RHOU: variants seen among roughly 807,000 people sequenced by gnomAD.
RHOU encodes rho-related GTP-binding protein RhoU.
RHOU carries 8 observed loss-of-function variants against 12.6 expected under a neutral mutation model. That is an observed-to-expected ratio of 0.64 (90% CI 0.37 to 1.15). RHOU has a LOEUF of 1.15. Ranked by LOEUF, RHOU falls within the 50% of genes most tolerant of loss-of-function variation. The pLI, the probability that RHOU is intolerant of heterozygous loss-of-function variation, is 0.01. For missense variants in RHOU, 258 were observed against 347.0 expected (o/e 0.74, Z 2.04); for synonymous variants, 161 against 147.4 (o/e 1.09, Z -0.67).
At chr1:228,725,391 C>T in the RHOU span, among the ~76,000 whole-genome samples, 2,213 of 152,248 alleles carry the variant, frequency 0.015, 49 homozygotes, top group African/African-American at 0.05. Context: ...ACACGGATGG[C>T]CGTGTGGATG....
the RHOU span, among the ~76,000 whole-genome samples, chr1:228,660,764 T>A: frequency 6.6e-6 from 1 of 151,604 alleles, no homozygotes; most frequent in Non-Finnish European, 1.5e-5. Flanking sequence ...AGAAACCCCA[T>A]CTCTACTAAA....
the RHOU span, among the ~76,000 whole-genome samples, chr1:228,697,545 C>T: frequency 4.6e-5 from 7 of 152,220 alleles, no homozygotes; most frequent in African/African-American, 1.4e-4. Context: ...ATTTAAGGGA[C>T]GGAGAGATTA....
chr1:228,689,782 C>T, the RHOU span, among the ~76,000 whole-genome samples: 2 of 151,864 alleles, frequency 1.3e-5, no homozygotes, highest in Admixed American at 6.6e-5. Flanking sequence ...TGAGATGGAA[C>T]AGTTTCATAC....
chr1:228,705,651 G>A, the RHOU span, among the ~76,000 whole-genome samples: 7 of 152,106 alleles, frequency 4.6e-5, no homozygotes, highest in African/African-American at 1.7e-4. Flanking sequence ...AGACATCTGA[G>A]GCCTCTAACT....
At chr1:228,647,459 A>G in the RHOU span, among the ~76,000 whole-genome samples, 1 of 152,002 alleles carries the variant, frequency 6.6e-6, no homozygotes, top group African/African-American at 2.4e-5. Context: ...GTGCACAGGG[A>G]CTGTTTTCCT....
chr1:228,742,552 T>C (rs1161907524), intron 2 of RHOU, among the ~76,000 whole-genome samples: 1 of 151,870 alleles, frequency 6.6e-6, no homozygotes, highest in African/African-American at 2.4e-5. Flanking sequence ...TAGGAGAAAA[T>C]GAAGGAAGGA....
the RHOU span, among the ~76,000 whole-genome samples, chr1:228,686,329 G>A: frequency 6.6e-6 from 1 of 152,088 alleles, no homozygotes; most frequent in Non-Finnish European, 1.5e-5. Context: ...GTTTCTGTTT[G>A]AGGAGATGAA....
At chr1:228,742,226 A>G (rs1032312495) in intron 2 of RHOU, among the ~76,000 whole-genome samples, 2 of 152,244 alleles carry the variant, frequency 1.3e-5, no homozygotes, top group African/African-American at 4.8e-5. Flanking sequence ...AGTTAGCTGA[A>G]TATGGTGCTA....
At chr1:228,662,402 T>C in the RHOU span, among the ~76,000 whole-genome samples, 1 of 152,170 alleles carries the variant, frequency 6.6e-6, no homozygotes, top group East Asian at 1.9e-4. Context: ...TGCAGCACTA[T>C]TCACAATAGC....
the RHOU span, among the ~76,000 whole-genome samples, chr1:228,681,409 G>T: frequency 1.3e-5 from 2 of 152,032 alleles, no homozygotes; most frequent in African/African-American, 4.8e-5. Context: ...GGAGGTGAGG[G>T]GTCAGATGGG....
At position 228,736,017 on chromosome 1, in the gene RHOU, G is replaced by GGGGGCC. The variant is rs776867098; in HGVS notation, c.262+24_262+29dup. 21 of 1,573,068 alleles carry GGGGGCC rather than the reference G, an allele frequency of 1.3e-5. No homozygotes were observed. Among genetic ancestry groups the GGGGGCC allele is most frequent in the African/African-American group, 8.4e-5 (6 of 71,804 alleles). On this transcript the variant is annotated intron_variant, in intron 1 of 2. Transcript: ENST00000366691. ...GACAACTTCTCCGGTGAGCTGGCCGGGGGGCCGGGGCCGGGGGCGCGTGGC... is the reference window on the plus strand; with the variant it reads ...GACAACTTCTCCGGTGAGCTGGCCGGGGGGCCGGGGCCGGGGCCGGGGGCGCGTGGC...
the RHOU span, among the ~76,000 whole-genome samples, chr1:228,685,589 T>C: frequency 3.9e-5 from 6 of 152,216 alleles, no homozygotes; most frequent in Non-Finnish European, 7.3e-5. Context: ...CAGAGAATGA[T>C]AGGATACTGC....
At chr1:228,721,445 T>C in the RHOU span, among the ~76,000 whole-genome samples, 1 of 152,264 alleles carries the variant, frequency 6.6e-6, no homozygotes, top group African/African-American at 2.4e-5. Flanking sequence ...AGGAAATAGA[T>C]GACTACAGTT....
At chr1:228,711,506 A>G in the RHOU span, among the ~76,000 whole-genome samples, 2 of 152,102 alleles carry the variant, frequency 1.3e-5, no homozygotes, top group Admixed American at 6.6e-5. Context: ...ATAACGCCGC[A>G]TATCTACAAC....
chr1:228,648,189 C>T, the RHOU span, among the ~76,000 whole-genome samples: 1 of 152,250 alleles, frequency 6.6e-6, no homozygotes, highest in Admixed American at 6.5e-5. Context: ...TACGCCCAAG[C>T]ACCGTTGCCC....
At chr1:228,657,113 T>C in the RHOU span, among the ~76,000 whole-genome samples, 1 of 151,290 alleles carries the variant, frequency 6.6e-6, no homozygotes, top group Non-Finnish European at 1.5e-5. Flanking sequence ...CTGTCTCTAC[T>C]AAAAATACAA....
chr1:228,714,531 A>C, the RHOU span, among the ~76,000 whole-genome samples: 1 of 152,116 alleles, frequency 6.6e-6, no homozygotes, highest in Non-Finnish European at 1.5e-5. Flanking sequence ...AATTTCAACA[A>C]GTCAATTTTG....
the RHOU span, among the ~76,000 whole-genome samples, chr1:228,668,263 G>A: frequency 1.4e-4 from 21 of 152,340 alleles, no homozygotes; most frequent in African/African-American, 4.6e-4. Context: ...GGCTGTTCAT[G>A]TGTATCCTTT....
At chr1:228,724,091 T>G in the RHOU span, among the ~76,000 whole-genome samples, 2 of 152,236 alleles carry the variant, frequency 1.3e-5, no homozygotes, top group African/African-American at 4.8e-5. Flanking sequence ...CATCATTTAT[T>G]TATTTTGAGT....
Sources: gnomAD v4.1 joint callset for allele counts (sites outside exome capture counted in the v4.1 genomes callset) on GRCh38, gnomAD v4.1.1 for gene constraint, MANE v1.5 for transcripts, NCBI Gene and HGNC (gene_info 2026-07-23, HGNC 2026-07-21) for gene names.